CACNG2: variants seen among roughly 807,000 people sequenced by gnomAD.
CACNG2 encodes voltage-dependent calcium channel gamma-2 subunit.
In CACNG2, 3 loss-of-function variants were observed where a neutral mutation model predicts 25.9. That is an observed-to-expected ratio of 0.12 (90% confidence interval 0.05 to 0.30). The LOEUF (loss-of-function observed/expected upper bound fraction) is 0.30. CACNG2 is among the 10% of genes least tolerant of loss of function. The pLI is 1.00. For missense variants in CACNG2, 341 were observed against 432.5 expected (o/e 0.79, Z 1.88); for synonymous variants, 167 against 173.3 (o/e 0.96, Z 0.29).
intron 1 of CACNG2, among the ~76,000 whole-genome samples, chr22:36,633,879 G>A (rs1314027767): frequency 6.6e-6 from 1 of 152,178 alleles, no homozygotes; most frequent in Non-Finnish European, 1.5e-5. Flanking sequence ...GTCGGTTTCG[G>A]TGGATCTGTC....
At chr22:36,619,471 A>G (rs2267351) in intron 1 of CACNG2, among the ~76,000 whole-genome samples, 123,571 of 152,208 alleles carry the variant, frequency 0.81, 50,526 homozygotes, top group African/African-American at 0.92. Context: ...TGTTTTGCCG[A>G]AGTGTCTATT....
intron 2 of CACNG2, among the ~76,000 whole-genome samples, chr22:36,580,088 A>G (rs1935388260): frequency 6.6e-6 from 1 of 152,040 alleles, no homozygotes; most frequent in African/African-American, 2.4e-5. Context: ...TTGCTGTCCG[A>G]CTCTAACTCC....
intron 1 of CACNG2, among the ~76,000 whole-genome samples, chr22:36,590,867 A>G (rs545259989): frequency 4.0e-5 from 6 of 151,416 alleles, no homozygotes; most frequent in Middle Eastern, 3.4e-3. Flanking sequence ...CTTTCCTGCC[A>G]TGCTCCCTCC....
intron 1 of CACNG2, among the ~76,000 whole-genome samples, chr22:36,601,310 A>G (rs917087781): frequency 6.6e-6 from 1 of 152,050 alleles, no homozygotes; most frequent in African/African-American, 2.4e-5. Flanking sequence ...CTCCAGTTTC[A>G]TGCATGTTGT....
At chr22:36,605,911 C>A (rs1045052479) in intron 1 of CACNG2, among the ~76,000 whole-genome samples, 1 of 152,166 alleles carries the variant, frequency 6.6e-6, no homozygotes, top group East Asian at 1.9e-4. Context: ...CTCTGTCAAC[C>A]CCAGAGTCCC....
At chr22:36,667,303 C>T (rs1388304166) in intron 1 of CACNG2, among the ~76,000 whole-genome samples, 2 of 152,158 alleles carry the variant, frequency 1.3e-5, no homozygotes, top group Non-Finnish European at 2.9e-5. Context: ...CTTTCCTCAC[C>T]GTTGTCCACC....
Position 36,563,587 on chromosome 22 carries a change from C to T in CACNG2, c.*764G>A, listed in dbSNP as rs1012622279. 2.6e-5 allele frequency among the ~76,000 whole-genome samples: 4 copies of T among 152,158 alleles called. No individual in the cohort carries two copies. Among genetic ancestry groups the T allele is most frequent in the African/African-American group, 7.2e-5 (3 of 41,444 alleles). ...AGGCAAGCCCCAAGTGTACCCCCCT[C>T]CAGGCACCCTAACGGAGAGGAGGGA... On this transcript the variant is annotated 3_prime_UTR_variant, in exon 4 of 4. Coordinates refer to ENST00000300105, the MANE Select transcript of CACNG2 (RefSeq NM_006078.5).
rs1439675983 is a variant in CACNG2, at chr22:36,702,457, G to C, written c.120C>G (p.Cys40Trp). Residue 40 changes from cysteine (C) to tryptophan (W), a missense_variant, in exon 1 of 4, where the codon TGC becomes TGG. Around this residue, in one of 2 missense-constraint regions of CACNG2, gnomAD observed 169 missense variants for 254.4 expected, o/e 0.66. Coordinates refer to ENST00000300105, the MANE Select transcript of CACNG2 (RefSeq NM_006078.5). The stretch of plus-strand genomic sequence containing the variant: ...CATTCTCACTGACACTTTTGGTCTT[G>C]CAAACCCCTCTGGAGTAGAGCCAAT... The part of the protein sequence containing the change: ...TDYWLYSRGV[C>W]KTKSVSENET... The C allele has an allele frequency of 6.2e-7, 1 of 1,614,068 alleles. No individual in the cohort carries two copies. The highest frequency in any genetic ancestry group is 1.7e-5 in the Admixed American group (1 of 60,022).
intron 1 of CACNG2, among the ~76,000 whole-genome samples, chr22:36,588,810 T>G (rs929974302): frequency 1.3e-5 from 2 of 152,168 alleles, no homozygotes; most frequent in African/African-American, 2.4e-5. Flanking sequence ...GAAATGAAAT[T>G]TGACTGTGTC....
At position 36,603,092 on chromosome 22, in the gene CACNG2, G is replaced by A. The variant is rs1007311895; in HGVS notation, c.212-15544C>T. ...CAGTTAGCCAAGATATGAATGCAAA[G>A]GGAAAGTTATTAAGGGAAGTTAAAA... On this transcript the variant is annotated intron_variant, in intron 1 of 3. Transcript: ENST00000300105. Among the ~76,000 whole-genome samples the A allele has an allele frequency of 3.9e-5, 6 of 152,208 alleles. No individual in the cohort carries two copies. The South Asian group carries it at 1.2e-3, about 32-fold the overall frequency.
chr22:36,630,717 G>A (rs889288386), intron 1 of CACNG2, among the ~76,000 whole-genome samples: 1 of 151,870 alleles, frequency 6.6e-6, no homozygotes, highest in African/African-American at 2.4e-5. Flanking sequence ...TTGCATGGAA[G>A]GATGTGGTGG....
intron 1 of CACNG2, among the ~76,000 whole-genome samples, chr22:36,688,325 G>A (rs1264771132): frequency 1.3e-5 from 2 of 152,016 alleles, no homozygotes; most frequent in East Asian, 1.9e-4. Context: ...TGAGAGGATC[G>A]ATTGAGCCCA....
In CACNG2 at chr22:36,701,740, TAC is replaced by T. The variant is rs777559927; in HGVS notation, c.211+624_211+625del. ...CTTTGTAAACGTTAAAATACACAAA[TAC>T]ACACACGCAGCCAGCCACCTCGAGT... On this transcript the variant is annotated intron_variant, in intron 1 of 3. Transcript: ENST00000300105. 1.1e-4 allele frequency among the ~76,000 whole-genome samples: 17 copies of T among 152,274 alleles called. No homozygotes were observed. The South Asian group carries it at 3.5e-3, about 32-fold the overall frequency.
At chr22:36,577,197 T>G (rs979728413) in intron 2 of CACNG2, among the ~76,000 whole-genome samples, 1 of 152,222 alleles carries the variant, frequency 6.6e-6, no homozygotes, top group African/African-American at 2.4e-5. Context: ...ATGTCTGGTA[T>G]GCGAGGAGCA....
chr22:36,570,703 C>A (rs904273276), intron 2 of CACNG2, among the ~76,000 whole-genome samples: 4 of 142,032 alleles, frequency 2.8e-5, no homozygotes, highest in South Asian at 2.1e-4. Context: ...GCGGAGGTTG[C>A]AGTGAGCTGA....
intron 2 of CACNG2, among the ~76,000 whole-genome samples, chr22:36,581,191 G>A (rs905218983): frequency 6.6e-6 from 1 of 152,164 alleles, no homozygotes. Context: ...TTCATTACTG[G>A]GTAAGCCAGT....
At chr22:36,577,307 A>T (rs1422794943) in intron 2 of CACNG2, among the ~76,000 whole-genome samples, 2 of 152,012 alleles carry the variant, frequency 1.3e-5, no homozygotes, top group African/African-American at 4.8e-5. Context: ...GTGGGTTGTG[A>T]CTCATTACTA....
At chr22:36,694,858 G>T (rs1212951483) in intron 1 of CACNG2, among the ~76,000 whole-genome samples, 3 of 152,072 alleles carry the variant, frequency 2.0e-5, no homozygotes, top group Admixed American at 2.0e-4. Flanking sequence ...AACTGTCATG[G>T]GTAGCTGAGA....
intron 1 of CACNG2, among the ~76,000 whole-genome samples, chr22:36,679,406 G>A (rs5756287): frequency 6.6e-6 from 1 of 152,184 alleles, no homozygotes; most frequent in East Asian, 1.9e-4. Context: ...GAGGTTATAG[G>A]AGATGGCTCT....
Sources: gnomAD v4.1 joint callset for allele counts (sites outside exome capture counted in the v4.1 genomes callset) on GRCh38, gnomAD v4.1.1 for gene constraint, gnomAD v4.1.1 regional missense constraint, MANE v1.5 for transcripts, NCBI Gene and HGNC (gene_info 2026-07-23, HGNC 2026-07-21) for gene names.